The following NEGR1 variants were observed in gnomAD, a reference collection of about 807,000 sequenced individuals.
NEGR1 encodes IgLON family member 4.
In NEGR1, 10 loss-of-function variants were observed where a neutral mutation model predicts 40.9. That is an observed-to-expected ratio of 0.24 (90% confidence interval 0.15 to 0.42). The LOEUF is 0.42. NEGR1 is among the 10% of genes least tolerant of loss of function. The probability of loss-of-function intolerance (pLI) is 1.00; values close to 1 mark genes in which losing one functional copy is unlikely to be tolerated. For missense variants in NEGR1, 352 were observed against 438.9 expected (o/e 0.80, Z 1.77); for synonymous variants, 185 against 166.8 (o/e 1.11, Z -0.84).
At chr1:71,745,096 A>T (rs1409569303) in intron 3 of NEGR1, among the ~76,000 whole-genome samples, 2 of 152,178 alleles carry the variant, frequency 1.3e-5, no homozygotes, top group African/African-American at 4.8e-5. Context: ...TTAAAATTAA[A>T]ACTTCTCTCT....
At chr1:71,707,456 A>G (rs1047139070) in intron 3 of NEGR1, among the ~76,000 whole-genome samples, 1 of 152,094 alleles carries the variant, frequency 6.6e-6, no homozygotes, top group Non-Finnish European at 1.5e-5. Flanking sequence ...TGTGTCTTTC[A>G]GTTTGAGTGC....
chr1:72,282,221 C>T, intron 1 of NEGR1, 98 bp downstream of exon 1: 2 of 1,342,804 alleles, frequency 1.5e-6, no homozygotes, highest in Non-Finnish European at 2.1e-6. Context: ...TGAGCACCAC[C>T]AGCATTATTG....
chr1:71,578,195 G>C (rs537386177), intron 6 of NEGR1, among the ~76,000 whole-genome samples: 1 of 152,078 alleles, frequency 6.6e-6, no homozygotes, highest in Non-Finnish European at 1.5e-5. Context: ...AGCCATCTCA[G>C]CTCTCTCATC....
chr1:72,095,368 A>C (rs542836038), intron 1 of NEGR1, among the ~76,000 whole-genome samples: 11 of 152,186 alleles, frequency 7.2e-5, no homozygotes, highest in Admixed American at 7.2e-4. Flanking sequence ...TTATTTGATA[A>C]TTCTTTTGGA....
At chr1:71,938,091 GT>G (rs1645925204) in intron 1 of NEGR1, among the ~76,000 whole-genome samples, 1 of 151,806 alleles carries the variant, frequency 6.6e-6, no homozygotes, top group Admixed American at 6.6e-5. Context: ...CCAACTCAAA[GT>G]TTTTTAAGAT....
At chr1:72,270,947 A>T (rs770680667) in intron 1 of NEGR1, among the ~76,000 whole-genome samples, 13 of 152,014 alleles carry the variant, frequency 8.6e-5, no homozygotes, top group Middle Eastern at 3.4e-3. Flanking sequence ...TAAAATTATT[A>T]GTTAATGTAC....
intron 1 of NEGR1, among the ~76,000 whole-genome samples, chr1:72,164,250 G>A (rs1651692112): frequency 6.6e-6 from 1 of 151,778 alleles, no homozygotes; most frequent in Admixed American, 6.6e-5. Context: ...CTTAAAAGAA[G>A]GTAGCTTATG....
At chr1:71,791,474 G>C (rs1657115127) in intron 2 of NEGR1, among the ~76,000 whole-genome samples, 2 of 151,972 alleles carry the variant, frequency 1.3e-5, no homozygotes, top group South Asian at 4.1e-4. Context: ...ATTGGCAAAT[G>C]CTATAAATTA....
At position 71,935,296 on chromosome 1, in the gene NEGR1, A is replaced by G. The variant is rs775141339; in HGVS notation, c.192T>C (p.Asp64=). 4.3e-6 allele frequency: 7 copies of G among 1,611,492 alleles called. No individual in the cohort carries two copies. Among genetic ancestry groups the G allele is most frequent in the East Asian group, 2.2e-5 (1 of 44,870 alleles). The change falls in exon 2 of 7, where the codon GAT becomes GAC. Residue 64 remains aspartate (D), a synonymous_variant. Transcript: ENST00000357731. Reference sequence around the variant, plus strand: ...TCAGCCAGGCACCCTTTGAAGCTCCATCTTCCAAATAACACCTACAAATTA... The same window carrying G: ...TCAGCCAGGCACCCTTTGAAGCTCCGTCTTCCAAATAACACCTACAAATTA... The part of the protein sequence containing the change: ...DTAVLRCYLE[D]GASKGAWLNR...
At chr1:71,633,319 G>T (rs1321853170) in intron 4 of NEGR1, among the ~76,000 whole-genome samples, 1 of 152,002 alleles carries the variant, frequency 6.6e-6, no homozygotes, top group African/African-American at 2.4e-5. Flanking sequence ...ACAGTCCCTT[G>T]GCAGTCACAG....
intron 1 of NEGR1, among the ~76,000 whole-genome samples, chr1:71,953,884 A>C (rs932884554): frequency 2.0e-5 from 3 of 152,016 alleles, no homozygotes; most frequent in Admixed American, 6.6e-5. Flanking sequence ...TAATGTAAAC[A>C]CAACTTTTGT....
chr1:71,613,517 G>C (rs1349455757), intron 4 of NEGR1, among the ~76,000 whole-genome samples: 2 of 151,892 alleles, frequency 1.3e-5, no homozygotes, highest in Admixed American at 6.6e-5. Flanking sequence ...CATAGTGGTG[G>C]GCACCTGTAA....
At chr1:71,689,467 C>A (rs1161547858) in intron 4 of NEGR1, among the ~76,000 whole-genome samples, 1 of 152,060 alleles carries the variant, frequency 6.6e-6, no homozygotes, top group Non-Finnish European at 1.5e-5. Context: ...AAACAGAATT[C>A]GGATCTTCTG....
At chr1:71,486,680 A>T (rs1217514616) in intron 6 of NEGR1, 1 of 151,546 alleles carries the variant, frequency 6.6e-6, no homozygotes, top group Non-Finnish European at 1.5e-5. Context: ...AGTCCTAAAC[A>T]GATACATCAG....
intron 6 of NEGR1, among the ~76,000 whole-genome samples, chr1:71,535,587 G>A (rs1647487588): frequency 6.6e-6 from 1 of 151,696 alleles, no homozygotes; most frequent in Non-Finnish European, 1.5e-5. Flanking sequence ...AATTCCTGGC[G>A]AGGTAATTTT....
At chr1:71,992,214 T>C (rs1465954997) in intron 1 of NEGR1, among the ~76,000 whole-genome samples, 1 of 152,188 alleles carries the variant, frequency 6.6e-6, no homozygotes, top group East Asian at 1.9e-4. Flanking sequence ...GTATTTCATA[T>C]ACATCATATT....
chr1:71,820,799 G>A (rs1290582518), intron 2 of NEGR1, among the ~76,000 whole-genome samples: 2 of 151,900 alleles, frequency 1.3e-5, no homozygotes, highest in Non-Finnish European at 2.9e-5. Flanking sequence ...TTTAATCCTG[G>A]GAGTGGGAGA....
intron 3 of NEGR1, among the ~76,000 whole-genome samples, chr1:71,772,466 T>C (rs34175297): frequency 0.011 from 1,743 of 152,090 alleles, 22 homozygotes; most frequent in Non-Finnish European, 0.018. Flanking sequence ...TGTTCAGTAA[T>C]GACACTGAGA....
intron 6 of NEGR1, among the ~76,000 whole-genome samples, chr1:71,551,052 T>C (rs1648059741): frequency 6.6e-6 from 1 of 151,548 alleles, no homozygotes; most frequent in Non-Finnish European, 1.5e-5. Flanking sequence ...TAAGAAGAAT[T>C]TCTATGTATA....
Sources: allele counts gnomAD v4.1 joint callset (sites outside exome capture counted in the v4.1 genomes callset), GRCh38; gene constraint gnomAD v4.1.1; transcripts MANE v1.5; gene names NCBI Gene and HGNC (gene_info 2026-07-23, HGNC 2026-07-21).